WWC2: variants seen among roughly 807,000 people sequenced by gnomAD.
The protein encoded by WWC2 is protein WWC2.
In WWC2, 101 loss-of-function variants were observed where a neutral mutation model predicts 138.5. The ratio of observed to expected loss-of-function variants is 0.73; its 90% CI spans 0.62 to 0.86. The LOEUF (loss-of-function observed/expected upper bound fraction) is 0.86. WWC2 is among the 40% of genes least tolerant of loss of function. The pLI, the probability that WWC2 is intolerant of heterozygous loss-of-function variation, is 0.00. For missense variants in WWC2, 1,420 were observed against 1,419.4 expected (o/e 1.00, Z -0.01); for synonymous variants, 558 against 538.4 (o/e 1.04, Z -0.50).
In WWC2 at chr4:183,161,542, A is replaced by G. The variant is rs567604072; in HGVS notation, c.132-32057A>G. Among the ~76,000 whole-genome samples, 6 of 152,340 alleles carry G rather than the reference A, an allele frequency of 3.9e-5. No homozygotes were observed. In the East Asian group the frequency reaches 5.8e-4, roughly 15 times the overall value. ...CAGAATTCGAATTGAACATAGAGTTATAGAAGAAACACAGTCACACGCTGC... is the reference window on the plus strand; with the variant it reads ...CAGAATTCGAATTGAACATAGAGTTGTAGAAGAAACACAGTCACACGCTGC... On this transcript the variant is annotated intron_variant, in intron 1 of 22. Coordinates refer to ENST00000403733, the MANE Select transcript of WWC2 (RefSeq NM_024949.6).
At chr4:183,305,110 T>A (rs1738980770) in intron 21 of WWC2, among the ~76,000 whole-genome samples, 1 of 151,960 alleles carries the variant, frequency 6.6e-6, no homozygotes, top group African/African-American at 2.4e-5. Context: ...GTAACAGACA[T>A]GAAAAATAAC....
chr4:183,197,913 C>T (rs749109213), intron 2 of WWC2, among the ~76,000 whole-genome samples: 6 of 152,190 alleles, frequency 3.9e-5, no homozygotes, highest in Non-Finnish European at 8.8e-5. Flanking sequence ...CCAGTCAGCC[C>T]TCCCTACTGC....
chr4:183,311,598 GAGAC>G (rs1739244760), intron 21 of WWC2, among the ~76,000 whole-genome samples: 2 of 48,176 alleles, frequency 4.2e-5, no homozygotes, highest in South Asian at 1.5e-3. Flanking sequence ...TTTTTTTTTT[GAGAC>G]GGAGTCTCAC....
At position 183,130,781 on chromosome 4, in the gene WWC2, A is replaced by G. The variant is rs1732901347; in HGVS notation, c.131+31159A>G. 2.0e-5 allele frequency among the ~76,000 whole-genome samples: 3 copies of G among 152,154 alleles called. No homozygotes were observed. In the South Asian group the frequency reaches 6.2e-4, roughly 32 times the overall value. ...GTCCTGTCTGCTTCTCTGGATTTGT[A>G]CCTAACAAGTCACCTTCTTCTTTCC... On this transcript the variant is annotated intron_variant, in intron 1 of 22. Transcript: ENST00000403733.
chr4:183,239,674 G>A lies in WWC2; in HGVS notation c.523-509G>A, dbSNP rs189877058. On this transcript the variant is annotated intron_variant, in intron 4 of 22. Coordinates refer to ENST00000403733, the MANE Select transcript of WWC2 (RefSeq NM_024949.6). ...ACTCTGGTCTAAATAAAACAGAGCC[G>A]TGGCAGGGGCAGGGGGGCTAGAGAA... Among the ~76,000 whole-genome samples the A allele has an allele frequency of 1.6e-3, 249 of 152,294 alleles. 1 individual carries two copies. Among genetic ancestry groups the A allele is most frequent in the African/African-American group, 5.7e-3 (238 of 41,552 alleles).
intron 16 of WWC2, among the ~76,000 whole-genome samples, chr4:183,280,538 C>T (rs1414903280): frequency 6.6e-6 from 1 of 152,054 alleles, no homozygotes; most frequent in Non-Finnish European, 1.5e-5. Context: ...TATTATATTT[C>T]TGTTCTACCT....
At chr4:183,151,212 C>T (rs984567955) in intron 1 of WWC2, among the ~76,000 whole-genome samples, 14 of 152,288 alleles carry the variant, frequency 9.2e-5, no homozygotes, top group African/African-American at 3.1e-4. Flanking sequence ...TGTTTCCTGA[C>T]TTTTTAATGA....
chr4:183,203,533 C>T (rs934931563), intron 2 of WWC2: 1 of 152,072 alleles, frequency 6.6e-6, no homozygotes, highest in African/African-American at 2.4e-5. Flanking sequence ...CCTGGGCTGA[C>T]TAATGTACAC....
chr4:183,247,616 ATATATAC>A (rs1247819029), intron 6 of WWC2, among the ~76,000 whole-genome samples: 10 of 138,486 alleles, frequency 7.2e-5, no homozygotes, highest in East Asian at 2.0e-4. Flanking sequence ...TATATATACT[ATATATAC>A]TATATACTAT....
In WWC2 at chr4:183,141,164, G is replaced by A. The variant is rs539945339; in HGVS notation, c.131+41542G>A. ...ATAACAAAATACCACTGACTGAATG[G>A]CTTAAACAACAGAAGCTGATTTTTT... On this transcript the variant is annotated intron_variant, in intron 1 of 22. Coordinates refer to ENST00000403733, the MANE Select transcript of WWC2 (RefSeq NM_024949.6). Among the ~76,000 whole-genome samples, 296 of 152,280 alleles carry A rather than the reference G, an allele frequency of 1.9e-3. 2 individuals are homozygous for A. Among genetic ancestry groups the A allele is most frequent in the African/African-American group, 6.7e-3 (277 of 41,558 alleles).
chr4:183,265,549 G>T (rs374498383), intron 12 of WWC2, 139 bp from the exon 13 acceptor site: 12 of 878,938 alleles, frequency 1.4e-5, no homozygotes, highest in Non-Finnish European at 1.9e-5. Context: ...GTAAGCTTTC[G>T]CTGGGATCAG....
chr4:183,284,122 A>G lies in WWC2; in HGVS notation c.2884-104A>G, dbSNP rs138921391. 16 of 1,409,710 alleles carry G rather than the reference A, an allele frequency of 1.1e-5. No homozygotes were observed. In the South Asian group the frequency reaches 1.3e-4, roughly 12 times the overall value. 87.3% of individuals were successfully genotyped at this position (1,409,710 alleles called of 1,614,324 possible). A position where few individuals can be genotyped will look rare whatever the true frequency, so the allele number is the denominator to read the frequency against. On this transcript the variant is annotated intron_variant, in intron 18 of 22. Transcript: ENST00000403733. ...CTCTTAGGAGTGGCCATAGTGCTCC[A>G]TGAGTCTCTGTTGTAACATTAGATA...
In WWC2 at chr4:183,320,130, A is replaced by G; in HGVS notation, c.*4401A>G. 1 of 1,614,114 alleles carries G rather than the reference A, an allele frequency of 6.2e-7. No homozygotes were observed. Among genetic ancestry groups the G allele is most frequent in the Non-Finnish European group, 8.5e-7 (1 of 1,180,022 alleles). On this transcript the variant is annotated 3_prime_UTR_variant, in exon 23 of 23. Coordinates refer to ENST00000403733, the MANE Select transcript of WWC2 (RefSeq NM_024949.6). ...CAGGTTGAGGTTCTTCCAGTGTGGC[A>G]GGTAGTTTGTAAGACAGGATAAAAC... is the stretch of plus-strand genomic sequence containing the variant.
Position 183,240,733 on chromosome 4 carries a change from A to T in WWC2, c.602+471A>T, listed in dbSNP as rs143595343. ...AGGGATGACCTAGAGTCTAACCCTG[A>T]CAGATGGCAGGGGAGCAAGAGCAAG... On this transcript the variant is annotated intron_variant, in intron 5 of 22. Transcript: ENST00000403733. 1,006 of 152,710 alleles carry T rather than the reference A, an allele frequency of 6.6e-3. 20 individuals carry two copies. Among genetic ancestry groups the T allele is most frequent in the African/African-American group, 0.023 (948 of 41,572 alleles). 9.5% of individuals were successfully genotyped at this position (152,710 alleles called of 1,614,324 possible).
chr4:183,312,548 A>C, intron 22 of WWC2, 80 bp downstream of exon 22: 1 of 1,583,732 alleles, frequency 6.3e-7, no homozygotes. Flanking sequence ...AGTGCAGTGA[A>C]AGTTAATATG....
intron 1 of WWC2, among the ~76,000 whole-genome samples, chr4:183,100,043 C>T (rs1165475106): frequency 2.0e-5 from 3 of 152,212 alleles, no homozygotes; most frequent in Non-Finnish European, 4.4e-5. Flanking sequence ...CCACCTGTGG[C>T]ATCCCTCAGG....
chr4:183,123,956 T>C (rs993761407), intron 1 of WWC2, among the ~76,000 whole-genome samples: 5 of 152,216 alleles, frequency 3.3e-5, no homozygotes, highest in East Asian at 1.9e-4. Context: ...TGTAATGTTA[T>C]GCTGACTTCC....
rs555676045 is a variant in WWC2 at position 183,161,094 on chromosome 4, G to A, written c.132-32505G>A. ...CCAGTCATTTGGCATGCAAATAAAC[G>A]ATCATGGGTTACAGTACCATTGCTC... On this transcript the variant is annotated intron_variant, in intron 1 of 22. Coordinates refer to ENST00000403733, the MANE Select transcript of WWC2 (RefSeq NM_024949.6). Among the ~76,000 whole-genome samples the A allele has an allele frequency of 2.0e-4, 31 of 151,748 alleles. 1 individual carries two copies. In the East Asian group the frequency reaches 5.2e-3, roughly 26 times the overall value.
At position 183,269,004 on chromosome 4, in the gene WWC2, T is replaced by C. The variant is rs1369153156; in HGVS notation, c.2241T>C (p.Thr747=). 6.2e-7 allele frequency: 1 copy of C among 1,613,714 alleles called. No homozygotes were observed. Among genetic ancestry groups the C allele is most frequent in the South Asian group, 1.1e-5 (1 of 90,968 alleles). The part of the protein sequence containing the change: ...YFRVAVLPSS[T]DVSCLFRTKV... ...GGGTTGCCGTTCTTCCTTCCTCAAC[T>C]GATGTCAGCTGTCTGTTTCGCACAA... The change falls in exon 15 of 23, where the codon ACT becomes ACC. Residue 747 remains threonine, a synonymous_variant. Transcript: ENST00000403733.
Sources: allele counts gnomAD v4.1 joint callset (sites outside exome capture counted in the v4.1 genomes callset), GRCh38; gene constraint gnomAD v4.1.1; transcripts MANE v1.5; gene names NCBI Gene and HGNC (gene_info 2026-07-23, HGNC 2026-07-21).